The following TRPM1 variants were observed in gnomAD, a reference collection of about 807,000 sequenced individuals.
TRPM1 encodes transient receptor potential cation channel subfamily M member 1.
A neutral mutation model predicts 149.4 loss-of-function variants in TRPM1; 113 were observed. The ratio of observed to expected loss-of-function variants is 0.76; its 90% CI spans 0.65 to 0.88. The LOEUF (loss-of-function observed/expected upper bound fraction) is 0.88. Ranked by LOEUF, TRPM1 falls within the 40% of genes least tolerant of loss-of-function variation. The pLI is 0.00. For missense variants in TRPM1, 1,976 were observed against 2,038.7 expected (o/e 0.97, Z 0.59); for synonymous variants, 741 against 759.5 (o/e 0.98, Z 0.40).
At chr15:31,062,959 C>G in intron 8 of TRPM1, 159 bp downstream of exon 8, 2 of 1,077,190 alleles carry the variant, frequency 1.9e-6, no homozygotes, top group South Asian at 1.4e-5. Context: ...TCTGATGGTT[C>G]CCCTGGATGC....
At chr15:31,110,916 T>G in intron 1 of TRPM1, among the ~76,000 whole-genome samples, 1 of 135,262 alleles carries the variant, frequency 7.4e-6, no homozygotes, top group African/African-American at 2.7e-5. Context: ...CCCCCTTCCC[T>G]CCCTCCCTTC....
At position 31,046,285 on chromosome 15, in the gene TRPM1, TTAG is replaced by T. The variant is rs760462060; in HGVS notation, c.1765-55_1765-53del. 109 of 1,552,784 alleles carry T rather than the reference TTAG, an allele frequency of 7.0e-5. No homozygotes were observed. In the South Asian group the frequency reaches 1.2e-3, roughly 16 times the overall value. On this transcript the variant is annotated intron_variant, in intron 15 of 27. Coordinates refer to ENST00000256552, the MANE Select transcript of TRPM1 (RefSeq NM_001252024.2). ...AATCAATTTACTTAGATAACTAATG[TTAG>T]TAGTACATTAGCAGTATTGTTGATA...
chr15:31,090,644 AAAAAG>A (rs1179148874), intron 1 of TRPM1, among the ~76,000 whole-genome samples: 1 of 150,276 alleles, frequency 6.7e-6, no homozygotes, highest in East Asian at 1.9e-4. Flanking sequence ...CTCAAAAACA[AAAAAG>A]AAAAAAAAAA....
chr15:31,075,782 T>G (rs999184748), intron 3 of TRPM1, among the ~76,000 whole-genome samples: 4 of 152,222 alleles, frequency 2.6e-5, no homozygotes, highest in African/African-American at 9.6e-5. Flanking sequence ...TAGCCTTTCT[T>G]ACTGAATTTT....
At chr15:31,027,397 T>A (rs558167819) in intron 25 of TRPM1, among the ~76,000 whole-genome samples, 1 of 152,328 alleles carries the variant, frequency 6.6e-6, no homozygotes, top group African/African-American at 2.4e-5. Context: ...CTCAGGAAAT[T>A]TAATTTCCTA....
chr15:31,091,854 A>C (rs1035991204), intron 1 of TRPM1, among the ~76,000 whole-genome samples: 1 of 152,154 alleles, frequency 6.6e-6, no homozygotes. Flanking sequence ...AAAACAAAAA[A>C]CACCTTCTTC....
At chr15:31,157,342 T>C (rs2036390949) in intron 1 of TRPM1, among the ~76,000 whole-genome samples, 1 of 152,160 alleles carries the variant, frequency 6.6e-6, no homozygotes, top group Non-Finnish European at 1.5e-5. Context: ...ACCTATACTG[T>C]TTTGAATGAA....
At chr15:31,150,681 G>A (rs538126003) in intron 1 of TRPM1, among the ~76,000 whole-genome samples, 17 of 152,168 alleles carry the variant, frequency 1.1e-4, no homozygotes, top group East Asian at 1.9e-4. Flanking sequence ...TGATCCACCC[G>A]CCTCAGCCTC....
chr15:31,064,956 A>G (rs2034328485), intron 7 of TRPM1: 2 of 480,848 alleles, frequency 4.2e-6, no homozygotes, highest in Admixed American at 2.3e-5. Context: ...CTTTAGGAAT[A>G]TGGTGGCCAA....
intron 3 of TRPM1, among the ~76,000 whole-genome samples, chr15:31,074,453 T>C (rs1193420699): frequency 6.6e-6 from 1 of 152,054 alleles, no homozygotes; most frequent in African/African-American, 2.4e-5. Flanking sequence ...ATTTTCCCAT[T>C]TCATCTAAGT....
At chr15:31,087,230 G>GCTTTTTTT (rs1486533022) in intron 1 of TRPM1, among the ~76,000 whole-genome samples, 1 of 87,470 alleles carries the variant, frequency 1.1e-5, no homozygotes, top group African/African-American at 4.7e-5. Flanking sequence ...TCTCAATAGG[G>GCTTTTTTT]ATTTTTTTTT....
chr15:31,073,307 T>C (rs1167974228), intron 3 of TRPM1, among the ~76,000 whole-genome samples: 1 of 152,148 alleles, frequency 6.6e-6, no homozygotes. Context: ...CAAAAATCAA[T>C]TTGCCATAGG....
chr15:31,024,912 G>A (rs2032669782), intron 27 of TRPM1, among the ~76,000 whole-genome samples: 1 of 152,148 alleles, frequency 6.6e-6, no homozygotes, highest in African/African-American at 2.4e-5. Context: ...GGTAACCCTA[G>A]AGTTTAGCTG....
chr15:31,060,301 C>A, intron 11 of TRPM1: 1 of 578,172 alleles, frequency 1.7e-6, no homozygotes, highest in Non-Finnish European at 3.1e-6. Context: ...CCACTTTCAT[C>A]AGCAACGATA....
chr15:31,160,952 G>A, exon 1 of TRPM1: 2 of 1,535,506 alleles, frequency 1.3e-6, no homozygotes, highest in Non-Finnish European at 1.7e-6. Flanking sequence ...CCGCTTGAAG[G>A]AGCTCATCTC....
chr15:31,002,437 C>A lies in TRPM1; in HGVS notation c.4263G>T (p.Gln1421His), dbSNP rs76134099. The A allele has an allele frequency of 6.2e-7, 1 of 1,614,214 alleles. No homozygotes were observed. The highest frequency in any genetic ancestry group is 2.2e-5 in the East Asian group (1 of 44,892). The change falls in exon 28 of 28, where the codon CAG becomes CAT. Residue 1421 changes from glutamine (Q) to histidine (H), a missense_variant. Physicochemically the swap from Gln to His is conservative, Grantham distance 24 (BLOSUM62 0). Coordinates refer to ENST00000256552, the MANE Select transcript of TRPM1 (RefSeq NM_001252024.2). ...CTATATTTGTCGTTTCCACTGTTAG[C>A]TGAGTGTTTTGAACATCTGATTTGT... ...GQDKSDVQNT[Q>H]LTVETTNIEG...
At chr15:31,035,522 G>C in intron 21 of TRPM1, 24 bp downstream of exon 21, 3 of 1,613,962 alleles carry the variant, frequency 1.9e-6, no homozygotes, top group South Asian at 1.1e-5. Context: ...TTAGTGGGCT[G>C]GGGGAGGCCT....
chr15:31,025,102 A>G (rs191179318), intron 27 of TRPM1, among the ~76,000 whole-genome samples: 219 of 152,298 alleles, frequency 1.4e-3, no homozygotes, highest in Admixed American at 3.0e-3. Flanking sequence ...GTCAGCTGCA[A>G]TATCTTTTTG....
At chr15:31,053,670 T>G (rs2034008940) in intron 11 of TRPM1, among the ~76,000 whole-genome samples, 1 of 152,210 alleles carries the variant, frequency 6.6e-6, no homozygotes, top group African/African-American at 2.4e-5. Context: ...GTGCAACTGC[T>G]GTGGGAGGAG....
Sources: gnomAD v4.1 joint callset for allele counts (sites outside exome capture counted in the v4.1 genomes callset) on GRCh38, gnomAD v4.1.1 for gene constraint, MANE v1.5 for transcripts, NCBI Gene and HGNC (gene_info 2026-07-23, HGNC 2026-07-21) for gene names.